Variants in GGTA1 observed in about 807,000 individuals in gnomAD.
The protein encoded by GGTA1 is inactive N-acetyllactosaminide alpha-1,3-galactosyltransferase.
Under a neutral mutation model 2.6 loss-of-function variants are expected in GGTA1, and 5 were observed. The observed-to-expected ratio is 1.92, with a 90% CI of 1.00 to 4.04. The LOEUF is 4.04. Among genes scored for constraint, GGTA1 ranks in the 30% most tolerant of loss-of-function variants. GGTA1 has a pLI of 0.00. For synonymous variants in GGTA1, 17 were observed against 5.0 expected (o/e 3.38, Z -3.19); for missense variants, 50 against 16.7 (o/e 2.99, Z -3.47).
downstream of GGTA1, among the ~76,000 whole-genome samples, chr9:121,450,168 G>T (rs1371374939): frequency 6.6e-6 from 1 of 152,030 alleles, no homozygotes; most frequent in Non-Finnish European, 1.5e-5. Flanking sequence ...GTAATCCAAG[G>T]GTTTATAGTA....
intron 5 of GGTA1, among the ~76,000 whole-genome samples, chr9:121,458,748 G>T (rs1440596128): frequency 1.3e-5 from 2 of 152,096 alleles, no homozygotes; most frequent in African/African-American, 4.8e-5. Flanking sequence ...AGTGAAGAGG[G>T]TGAAAGCTGG....
intron 7 of GGTA1, among the ~76,000 whole-genome samples, chr9:121,448,960 C>A (rs1460447144): frequency 2.6e-5 from 4 of 152,224 alleles, no homozygotes; most frequent in African/African-American, 7.2e-5. Flanking sequence ...ATTCTCTGAG[C>A]TTTGCTCATT....
At chr9:121,489,610 C>T (rs191286679) in intron 1 of GGTA1, among the ~76,000 whole-genome samples, 37 of 152,294 alleles carry the variant, frequency 2.4e-4, no homozygotes, top group African/African-American at 8.2e-4. Flanking sequence ...TGAAATTGGC[C>T]TTGGTGGAAA....
chr9:121,478,705 A>G (rs749140898), intron 1 of GGTA1, among the ~76,000 whole-genome samples: 5 of 152,184 alleles, frequency 3.3e-5, no homozygotes, highest in Non-Finnish European at 7.3e-5. Context: ...GACTGAATAC[A>G]TGGCCCACTG....
downstream of GGTA1, among the ~76,000 whole-genome samples, chr9:121,453,579 AC>A (rs1390565808): frequency 1.3e-5 from 2 of 152,112 alleles, no homozygotes; most frequent in Non-Finnish European, 2.9e-5. Flanking sequence ...TGGGCCTGGC[AC>A]CCTGCTTGGC....
intron 1 of GGTA1, among the ~76,000 whole-genome samples, chr9:121,468,983 A>G (rs2118698048): frequency 6.6e-6 from 1 of 152,264 alleles, no homozygotes; most frequent in South Asian, 2.1e-4. Context: ...TCAGAGGAGA[A>G]AATGACCCTG....
At position 121,473,736 on chromosome 9, in the gene GGTA1, G is replaced by A. The variant is rs140177544; in HGVS notation, c.-9-5805C>T. On this transcript the variant is annotated intron_variant, in intron 1 of 5. Transcript: ENST00000481799. Reference sequence around the variant, plus strand: ...AGCCCAGGAGTTCGAGACCAGCCTGGGCAACATGGGGAAACCCCCTCTCTA... The same window carrying A: ...AGCCCAGGAGTTCGAGACCAGCCTGAGCAACATGGGGAAACCCCCTCTCTA... Among the ~76,000 whole-genome samples, 1,084 of 152,128 alleles carry A rather than the reference G, an allele frequency of 7.1e-3. 16 individuals carry two copies. Among genetic ancestry groups the A allele is most frequent in the African/African-American group, 0.025 (1,029 of 41,496 alleles).
chr9:121,472,052 A>C (rs1410999872), intron 1 of GGTA1, among the ~76,000 whole-genome samples: 1 of 152,222 alleles, frequency 6.6e-6, no homozygotes, highest in African/African-American at 2.4e-5. Flanking sequence ...GGCCCTCATC[A>C]ACAACTCCAG....
chr9:121,455,760 C>T lies in GGTA1; in HGVS notation c.*77G>A, dbSNP rs115111958. ...GTCCGCCTGTTACACACTCCTTAAC[C>T]GCATGATCTCTCAGTCCAGGTCTTC... On this transcript the variant is annotated 3_prime_UTR_variant, in exon 6 of 6. Transcript: ENST00000481799. 1,510 of 445,510 alleles carry T rather than the reference C, an allele frequency of 3.4e-3. 23 individuals are homozygous for T. Among genetic ancestry groups the T allele is most frequent in the African/African-American group, 0.027 (1,334 of 49,534 alleles). 27.6% of individuals were successfully genotyped at this position (445,510 alleles called of 1,614,324 possible).
At chr9:121,458,816 C>G (rs983731697) in intron 5 of GGTA1, among the ~76,000 whole-genome samples, 3 of 152,240 alleles carry the variant, frequency 2.0e-5, no homozygotes, top group South Asian at 2.1e-4. Context: ...CCCCACCTCC[C>G]AAGTCCTGCT....
At chr9:121,468,061 C>T (rs148045822) in intron 1 of GGTA1, 130 bp from the exon 2 acceptor site, 4,143 of 380,248 alleles carry the variant, frequency 0.011, 163 homozygotes, top group African/African-American at 0.079. Context: ...TTCTGGGATA[C>T]ATGTGCAGAA....
chr9:121,464,612 CAA>C (rs903237813), intron 2 of GGTA1, among the ~76,000 whole-genome samples: 3 of 60,748 alleles, frequency 4.9e-5, no homozygotes, highest in Non-Finnish European at 8.0e-5. Flanking sequence ...CATCTCAAAA[CAA>C]AAACAAAAAC....
chr9:121,488,562 A>G, intron 1 of GGTA1, among the ~76,000 whole-genome samples: 1 of 152,152 alleles, frequency 6.6e-6, no homozygotes, highest in Admixed American at 6.5e-5. Flanking sequence ...TCATATAAAT[A>G]CAAAAAATTA....
chr9:121,470,401 T>A (rs1007473857), intron 1 of GGTA1, among the ~76,000 whole-genome samples: 6 of 152,174 alleles, frequency 3.9e-5, no homozygotes, highest in African/African-American at 1.4e-4. Context: ...GGGGTAAGAA[T>A]CATGAGTTCC....
chr9:121,479,954 A>G (rs1828605707), intron 1 of GGTA1, among the ~76,000 whole-genome samples: 1 of 152,206 alleles, frequency 6.6e-6, no homozygotes, highest in Non-Finnish European at 1.5e-5. Flanking sequence ...TGGCTGAATA[A>G]TGCTTAACCC....
At chr9:121,468,202 A>G (rs1158872158) in intron 1 of GGTA1, among the ~76,000 whole-genome samples, 1 of 151,936 alleles carries the variant, frequency 6.6e-6, no homozygotes, top group Non-Finnish European at 1.5e-5. Flanking sequence ...CCGGTGTGCG[A>G]TGTTCCCCTC....
intron 1 of GGTA1, among the ~76,000 whole-genome samples, chr9:121,493,248 A>T (rs1341441295): frequency 2.0e-5 from 3 of 152,014 alleles, no homozygotes; most frequent in Non-Finnish European, 2.9e-5. Flanking sequence ...GAGTAAAGCC[A>T]GGAAGGAGCC....
In GGTA1 at chr9:121,455,672, C is replaced by T. The variant is rs551823864; in HGVS notation, c.*165G>A. On this transcript the variant is annotated 3_prime_UTR_variant, in exon 6 of 6. Coordinates refer to ENST00000481799, the MANE Select transcript of GGTA1 (RefSeq NM_001382585.1). ...CTCTATACCAGGTCATCCTGCTAAG[C>T]GCTGAGATGGGAGAAATGAGACCCA... is the stretch of plus-strand genomic sequence containing the variant. 7.4e-5 allele frequency: 23 copies of T among 310,094 alleles called. No homozygotes were observed. The highest frequency in any genetic ancestry group is 2.4e-4 in the African/African-American group (11 of 46,390). 19.2% of individuals were successfully genotyped at this position (310,094 alleles called of 1,614,324 possible). A position where few individuals can be genotyped will look rare whatever the true frequency, so the allele number is the denominator to read the frequency against.
intron 5 of GGTA1, among the ~76,000 whole-genome samples, chr9:121,457,712 A>AAC (rs981477931): frequency 9.3e-5 from 14 of 150,302 alleles, no homozygotes; most frequent in East Asian, 2.0e-4. Context: ...AAAAAAAAAA[A>AAC]AAAACAGTAT....
Sources: allele counts gnomAD v4.1 joint callset (sites outside exome capture counted in the v4.1 genomes callset), GRCh38; gene constraint gnomAD v4.1.1; transcripts MANE v1.5; gene names NCBI Gene and HGNC (gene_info 2026-07-23, HGNC 2026-07-21).